The following CSNK1G2 variants were observed in gnomAD, a reference collection of about 807,000 sequenced individuals.
CSNK1G2 encodes casein kinase 1 gamma 2, also known as casein kinase I isoform gamma-2.
In CSNK1G2, 11 loss-of-function variants were observed where a neutral mutation model predicts 48.0. The ratio of observed to expected loss-of-function variants is 0.23; its 90% CI spans 0.14 to 0.38. The LOEUF (loss-of-function observed/expected upper bound fraction) is 0.38. CSNK1G2 is among the 10% of genes least tolerant of loss of function. The pLI is 1.00. For synonymous variants in CSNK1G2, 337 were observed against 254.1 expected (o/e 1.33, Z -3.10); for missense variants, 446 against 595.5 (o/e 0.75, Z 2.61).
rs1195884249 is a variant in CSNK1G2 at position 1,957,118 on chromosome 19, C to G, written c.-265-12390C>G. Among the ~76,000 whole-genome samples, 2 of 152,116 alleles carry G rather than the reference C, an allele frequency of 1.3e-5. No individual in the cohort carries two copies. The highest frequency in any genetic ancestry group is 2.4e-5 in the African/African-American group (1 of 41,412). Reference sequence around the variant, plus strand: ...GTGGGCGGGATTGGGCCTCTGGGGTCCCCGGCTGTGGAGAGGGCAAGGCAG... The same window carrying G: ...GTGGGCGGGATTGGGCCTCTGGGGTGCCCGGCTGTGGAGAGGGCAAGGCAG... On this transcript the variant is annotated intron_variant, in intron 1 of 11. Coordinates refer to ENST00000255641, the MANE Select transcript of CSNK1G2 (RefSeq NM_001319.7). This position sits in a 1 kb window ranked among gnomAD's most constrained non-coding sequence, Gnocchi z 5.4.
chr19:1,948,036 G>A (rs149394328), intron 1 of CSNK1G2, among the ~76,000 whole-genome samples: 4 of 152,330 alleles, frequency 2.6e-5, no homozygotes, highest in Admixed American at 2.0e-4. Context: ...TTCGTGGGCC[G>A]GGACCCGGGA....
chr19:1,963,012 C>T (rs888001703), intron 1 of CSNK1G2, among the ~76,000 whole-genome samples: 1 of 134,064 alleles, frequency 7.5e-6, no homozygotes, highest in Non-Finnish European at 1.6e-5. Context: ...AGCTCTGACT[C>T]AGGCCACGGC....
intron 1 of CSNK1G2, among the ~76,000 whole-genome samples, chr19:1,963,463 C>T (rs1043337280): frequency 2.0e-5 from 3 of 151,964 alleles, no homozygotes; most frequent in Admixed American, 1.3e-4. Flanking sequence ...CCCCCTGCCT[C>T]GGCCTCCCAA....
rs762782038 is a variant in CSNK1G2, at chr19:1,969,731, G to A, written c.-42G>A. The A allele has an allele frequency of 1.8e-5, 23 of 1,256,692 alleles. No homozygotes were observed. The highest frequency in any genetic ancestry group is 1.2e-4 in the South Asian group (3 of 25,240). The allele number at this position is 1,256,692 out of a possible 1,614,324, so 77.8% of individuals were successfully genotyped here. A position where few individuals can be genotyped will look rare whatever the true frequency, so the allele number is the denominator to read the frequency against. On this transcript the variant is annotated 5_prime_UTR_variant, in exon 2 of 12. Transcript: ENST00000255641. ...GTTTCCAGAGACTTGGGATTTGCAC[G>A]GCAGCAGAGTCACCGTGGAGAGGCC... is the stretch of plus-strand genomic sequence containing the variant.
intron 1 of CSNK1G2, among the ~76,000 whole-genome samples, chr19:1,968,434 C>T (rs572412872): frequency 2.0e-4 from 31 of 152,198 alleles, no homozygotes; most frequent in African/African-American, 7.0e-4. Context: ...GGGGCCTGCG[C>T]TGAGACTGGG....
intron 1 of CSNK1G2, among the ~76,000 whole-genome samples, chr19:1,964,730 T>C (rs903221632): frequency 7.5e-5 from 11 of 146,402 alleles, no homozygotes; most frequent in African/African-American, 2.7e-4. Flanking sequence ...TTTTTGTTTT[T>C]TTGTTTTTTT....
chr19:1,971,120 G>A (rs2015554027), intron 2 of CSNK1G2, among the ~76,000 whole-genome samples: 2 of 152,162 alleles, frequency 1.3e-5, no homozygotes, highest in African/African-American at 4.8e-5. Flanking sequence ...TGCCACTCGT[G>A]GGCAGAAGGG....
chr19:1,970,010 GC>G, intron 2 of CSNK1G2, 51 bp downstream of exon 2: 1 of 1,278,270 alleles, frequency 7.8e-7, no homozygotes, highest in African/African-American at 1.5e-5. Context: ...TGGCAGGGCC[GC>G]CCCGAGTCAC....
At chr19:1,946,278 ATTTATTTATTT>A (rs1316406919) in intron 1 of CSNK1G2, among the ~76,000 whole-genome samples, 4 of 133,104 alleles carry the variant, frequency 3.0e-5, no homozygotes, top group East Asian at 2.2e-4. Flanking sequence ...TTATTTATTT[ATTTATTTATTT>A]TTTATTTATT....
At chr19:1,946,202 C>T (rs998789934) in intron 1 of CSNK1G2, among the ~76,000 whole-genome samples, 1 of 152,138 alleles carries the variant, frequency 6.6e-6, no homozygotes, top group East Asian at 1.9e-4. Flanking sequence ...GTGAGGGCAG[C>T]GGGAAGAAAG....
intron 1 of CSNK1G2, 65 bp from the exon 2 acceptor site, chr19:1,969,443 C>G (rs924654671): frequency 5.1e-6 from 1 of 195,358 alleles, no homozygotes; most frequent in East Asian, 1.1e-4. Context: ...TGGCCTCCGC[C>G]CCGTGTCCTC....
chr19:1,947,807 C>G (rs1003202923), intron 1 of CSNK1G2, among the ~76,000 whole-genome samples: 2 of 152,180 alleles, frequency 1.3e-5, no homozygotes, highest in Non-Finnish European at 2.9e-5. Flanking sequence ...GCCTGTACGC[C>G]GTGGAGAGGG....
chr19:1,978,842 G>A lies in CSNK1G2; in HGVS notation c.448-17G>A, dbSNP rs754448313. ...GACGGGGAGGGGCCCGGCCGACACC[G>A]CCGTGCCCCCCTGCAGATCACGCGC... On this transcript the variant is annotated splice_polypyrimidine_tract_variant and intron_variant, in intron 5 of 11. Transcript: ENST00000255641. The surrounding 1 kb of genome is among the most constrained non-coding windows in gnomAD (Gnocchi z 7.3). 7 of 1,596,136 alleles carry A rather than the reference G, an allele frequency of 4.4e-6. No homozygotes were observed. Among genetic ancestry groups the A allele is most frequent in the South Asian group, 3.3e-5 (3 of 90,470 alleles).
chr19:1,966,775 C>T (rs72979618), intron 1 of CSNK1G2, among the ~76,000 whole-genome samples: 3,030 of 152,274 alleles, frequency 0.02, 49 homozygotes, highest in Non-Finnish European at 0.027. Context: ...ACGAGTCAGC[C>T]GCCGTCCACA....
chr19:1,947,566 G>A (rs1370841411), intron 1 of CSNK1G2, among the ~76,000 whole-genome samples: 3 of 152,222 alleles, frequency 2.0e-5, no homozygotes, highest in Non-Finnish European at 4.4e-5. Flanking sequence ...CGGGACCAGC[G>A]TGAGGACACG....
chr19:1,949,969 T>C (rs1568181906), intron 1 of CSNK1G2, among the ~76,000 whole-genome samples: 1 of 152,216 alleles, frequency 6.6e-6, no homozygotes, highest in Non-Finnish European at 1.5e-5. Flanking sequence ...GACAGACAGA[T>C]GGATGTGCTG....
At position 1,979,673 on chromosome 19, in the gene CSNK1G2, C is replaced by T. The variant is rs776023184; in HGVS notation, c.1002+30C>T. On this transcript the variant is annotated intron_variant, in intron 9 of 11. Coordinates refer to ENST00000255641, the MANE Select transcript of CSNK1G2 (RefSeq NM_001319.7). ...GTGGGGGGGTGCCGGTATGTGGGAGCGGGGGACCGGGAAACTGCCCTGAGG... is the reference window on the plus strand; with the variant it reads ...GTGGGGGGGTGCCGGTATGTGGGAGTGGGGGACCGGGAAACTGCCCTGAGG... 3.1e-6 allele frequency: 5 copies of T among 1,601,034 alleles called. No homozygotes were observed. The South Asian group carries it at 3.3e-5, about 11-fold the overall frequency.
At chr19:1,952,977 G>T in intron 1 of CSNK1G2, 1 of 438,360 alleles carries the variant, frequency 2.3e-6, no homozygotes, top group South Asian at 1.7e-5. Flanking sequence ...GAGGGGAAAA[G>T]GCACTCCAGT....
chr19:1,952,940 G>C, intron 1 of CSNK1G2: 1 of 443,448 alleles, frequency 2.3e-6, no homozygotes, highest in East Asian at 7.9e-5. Flanking sequence ...ACCGGGGCGG[G>C]ATGTCGCCCG....
Sources: gnomAD v4.1 joint callset for allele counts (sites outside exome capture counted in the v4.1 genomes callset) on GRCh38, gnomAD v4.1.1 for gene constraint, Gnocchi (gnomAD v3.1) non-coding constraint, MANE v1.5 for transcripts, NCBI Gene and HGNC (gene_info 2026-07-23, HGNC 2026-07-21) for gene names.